The following CACNA2D3 variants were observed in gnomAD, a reference collection of about 807,000 sequenced individuals.
CACNA2D3 encodes calcium voltage-gated channel auxiliary subunit alpha2delta 3.
CACNA2D3 carries 60 observed loss-of-function variants against 160.6 expected under a neutral mutation model. The ratio of observed to expected loss-of-function variants is 0.37; its 90% CI spans 0.30 to 0.46. The LOEUF is 0.46. Ranked by LOEUF, CACNA2D3 falls within the 20% of genes least tolerant of loss-of-function variation. The pLI is 1.00. For synonymous variants in CACNA2D3, 558 were observed against 492.9 expected (o/e 1.13, Z -1.75); for missense variants, 1,205 against 1,365.0 (o/e 0.88, Z 1.85).
intron 31 of CACNA2D3, among the ~76,000 whole-genome samples, chr3:54,992,278 G>A (rs1702759509): frequency 6.6e-6 from 1 of 152,164 alleles, no homozygotes; most frequent in Admixed American, 6.5e-5. Flanking sequence ...GATCTTTGCA[G>A]CAAAATAGGA....
chr3:54,842,530 A>T (rs1029885789), intron 16 of CACNA2D3, among the ~76,000 whole-genome samples: 4 of 151,952 alleles, frequency 2.6e-5, no homozygotes, highest in South Asian at 2.1e-4. Flanking sequence ...GCTCATTCTG[A>T]TGGAGGAAGT....
chr3:54,285,788 C>T (rs1022103060), intron 2 of CACNA2D3, among the ~76,000 whole-genome samples: 3 of 152,202 alleles, frequency 2.0e-5, no homozygotes, highest in Non-Finnish European at 2.9e-5. Flanking sequence ...CGCTGTTCTG[C>T]AGCCAGCGCT....
chr3:54,392,498 T>G (rs968985526), intron 4 of CACNA2D3, among the ~76,000 whole-genome samples: 1 of 152,220 alleles, frequency 6.6e-6, no homozygotes, highest in African/African-American at 2.4e-5. Context: ...ATGATAGTTT[T>G]TCTTTGTTGT....
chr3:54,437,877 G>T (rs571399525), intron 4 of CACNA2D3, among the ~76,000 whole-genome samples: 38 of 152,316 alleles, frequency 2.5e-4, no homozygotes, highest in African/African-American at 8.9e-4. Flanking sequence ...ACACTCATTG[G>T]CTGAGAGTGT....
At position 54,503,601 on chromosome 3, in the gene CACNA2D3, C is replaced by T. The variant is rs896713288; in HGVS notation, c.491C>T (p.Pro164Leu). 6.2e-7 allele frequency: 1 copy of T among 1,613,746 alleles called. No individual in the cohort carries two copies. Among genetic ancestry groups the T allele is most frequent in the Admixed American group, 1.7e-5 (1 of 59,984 alleles). ...LAPNDHFNNL[P>L]VNISLSDVQV... ...CCAAATGACCATTTTAATAATTTGC[C>T]TGTGAACATCAGTCTAAGTGACGTC... Residue 164 changes from proline to leucine, a missense_variant, in exon 5 of 38, where the codon CCT (proline) becomes CTT (leucine). This residue lies in a region of CACNA2D3 where 131 missense variants were observed against 201.5 expected (regional missense o/e 0.65). Coordinates refer to ENST00000474759, the MANE Select transcript of CACNA2D3 (RefSeq NM_018398.3).
chr3:54,890,323 T>C (rs1700027813), intron 24 of CACNA2D3, among the ~76,000 whole-genome samples: 1 of 151,964 alleles, frequency 6.6e-6, no homozygotes, highest in South Asian at 2.1e-4. Context: ...AGTGAAACGC[T>C]GTCTCTACTA....
In CACNA2D3 at chr3:54,483,917, G is replaced by A. The variant is rs147537202; in HGVS notation, c.382-19575G>A. On this transcript the variant is annotated intron_variant, in intron 4 of 37. Coordinates refer to ENST00000474759, the MANE Select transcript of CACNA2D3 (RefSeq NM_018398.3). ...AATGACTGCTTTTCTATAAGATATT[G>A]TTAAATTGAAGTTCTGGAAAGTTGC... Among the ~76,000 whole-genome samples the A allele has an allele frequency of 4.0e-3, 613 of 152,316 alleles. 4 individuals are homozygous for A. The highest frequency in any genetic ancestry group is 0.014 in the African/African-American group (584 of 41,552).
rs553483218 is a variant in CACNA2D3 at position 54,636,543 on chromosome 3, T to C, written c.1054-5585T>C. On this transcript the variant is annotated intron_variant, in intron 10 of 37. Coordinates refer to ENST00000474759, the MANE Select transcript of CACNA2D3 (RefSeq NM_018398.3). ...AGCATAGTTTGTGATTTTTAGGGCC[T>C]CTAAAAGTATTAAAGCAGCGGCAGC... Among the ~76,000 whole-genome samples, 126 of 152,116 alleles carry C rather than the reference T, an allele frequency of 8.3e-4. 2 individuals carry two copies. The highest frequency in any genetic ancestry group is 3.0e-3 in the African/African-American group (124 of 41,358).
intron 4 of CACNA2D3, among the ~76,000 whole-genome samples, chr3:54,448,439 A>G (rs1378718227): frequency 1.3e-5 from 2 of 151,904 alleles, no homozygotes; most frequent in African/African-American, 4.8e-5. Context: ...AAGCACTCTC[A>G]CTCTGTCTCT....
intron 2 of CACNA2D3, among the ~76,000 whole-genome samples, chr3:54,272,069 T>C (rs1235367213): frequency 6.6e-6 from 1 of 152,052 alleles, no homozygotes; most frequent in Non-Finnish European, 1.5e-5. Context: ...GTTTCTTGAG[T>C]GTCTCTTAAG....
At chr3:55,020,069 G>A (rs1349115202) in intron 35 of CACNA2D3, among the ~76,000 whole-genome samples, 2 of 151,822 alleles carry the variant, frequency 1.3e-5, no homozygotes, top group Non-Finnish European at 2.9e-5. Flanking sequence ...CATTGTTATT[G>A]TTGAAATCTA....
At chr3:54,355,035 C>T (rs762254854) in intron 3 of CACNA2D3, among the ~76,000 whole-genome samples, 1 of 152,294 alleles carries the variant, frequency 6.6e-6, no homozygotes, top group Non-Finnish European at 1.5e-5. Flanking sequence ...TGTAAACAAA[C>T]TTTATAGTCA....
At chr3:54,961,705 G>A (rs964118437) in intron 27 of CACNA2D3, among the ~76,000 whole-genome samples, 3 of 152,176 alleles carry the variant, frequency 2.0e-5, no homozygotes, top group Non-Finnish European at 4.4e-5. Context: ...ATGGACAGCA[G>A]TCTTCTTGGG....
intron 27 of CACNA2D3, among the ~76,000 whole-genome samples, chr3:54,902,004 G>T (rs555699177): frequency 1.9e-4 from 29 of 152,288 alleles, no homozygotes; most frequent in African/African-American, 6.7e-4. Flanking sequence ...AATTAAAAAG[G>T]CCATTTTAAT....
At chr3:54,910,463 T>G (rs1053728622) in intron 27 of CACNA2D3, among the ~76,000 whole-genome samples, 33 of 152,338 alleles carry the variant, frequency 2.2e-4, no homozygotes, top group African/African-American at 7.0e-4. Flanking sequence ...ATTGTTCTTT[T>G]GTCGTGGCCT....
At chr3:54,736,177 A>T (rs1297052616) in intron 11 of CACNA2D3, among the ~76,000 whole-genome samples, 1 of 145,180 alleles carries the variant, frequency 6.9e-6, no homozygotes, top group African/African-American at 2.6e-5. Flanking sequence ...ACACACATAA[A>T]TGGGATCAGA....
intron 11 of CACNA2D3, among the ~76,000 whole-genome samples, chr3:54,649,471 A>G (rs912351240): frequency 2.0e-5 from 3 of 152,216 alleles, no homozygotes; most frequent in African/African-American, 7.2e-5. Flanking sequence ...TTGCGCTGCT[A>G]TGACAAAATA....
Position 54,721,776 on chromosome 3 carries a change from A to AG in CACNA2D3, c.1168-30823_1168-30822insG, listed in dbSNP as rs555351430. 6.3e-3 allele frequency among the ~76,000 whole-genome samples: 956 copies of AG among 151,662 alleles called. 8 individuals are homozygous for AG. The highest frequency in any genetic ancestry group is 0.037 in the Middle Eastern group (11 of 294). ...AAACTCCATCTCAAAAAAAAAAAAA[A>AG]AAAGAAAAGAAAAAGATGGGCTTCC... On this transcript the variant is annotated intron_variant, in intron 11 of 37. Coordinates refer to ENST00000474759, the MANE Select transcript of CACNA2D3 (RefSeq NM_018398.3).
At chr3:55,000,443 T>C (rs1258829697) in intron 31 of CACNA2D3, among the ~76,000 whole-genome samples, 1 of 152,068 alleles carries the variant, frequency 6.6e-6, no homozygotes, top group Non-Finnish European at 1.5e-5. Flanking sequence ...AGGACAAATA[T>C]CTAATTCACA....
Sources: allele counts gnomAD v4.1 joint callset (sites outside exome capture counted in the v4.1 genomes callset), GRCh38; gene constraint gnomAD v4.1.1; regional missense constraint gnomAD v4.1.1; transcripts MANE v1.5; gene names NCBI Gene and HGNC (gene_info 2026-07-23, HGNC 2026-07-21).